HECW1: variants seen among roughly 807,000 people sequenced by gnomAD.
HECW1 encodes E3 ubiquitin-protein ligase HECW1.
In HECW1, 61 loss-of-function variants were observed where a neutral mutation model predicts 182.3. The ratio of observed to expected loss-of-function variants is 0.33; its 90% CI spans 0.27 to 0.41. The LOEUF (loss-of-function observed/expected upper bound fraction) is 0.41, where lower values mean the gene tolerates loss of function less well. Among genes scored for constraint, HECW1 ranks in the 10% least tolerant of loss-of-function variants. The pLI is 1.00. For missense variants in HECW1, 1,739 were observed against 2,108.9 expected, an observed-to-expected ratio of 0.82 and a Z score of 3.44; for synonymous variants, 859 against 832.6, an observed-to-expected ratio of 1.03 and a Z score of -0.55.
At chr7:43,308,332 A>ATATATATTATATGATATATT (rs1562814040) in intron 3 of HECW1, among the ~76,000 whole-genome samples, 1 of 129,276 alleles carries the variant, frequency 7.7e-6, no homozygotes, top group African/African-American at 3.1e-5. Flanking sequence ...TGATATATTT[A>ATATATATTATATGATATATT]TATATATTAT....
chr7:43,526,005 A>G (rs920359099), intron 24 of HECW1, among the ~76,000 whole-genome samples: 6 of 152,256 alleles, frequency 3.9e-5, no homozygotes, highest in African/African-American at 4.8e-5. Flanking sequence ...TATCATCAGT[A>G]GGTAAATCTT....
At chr7:43,214,075 A>G (rs1796239993) in intron 2 of HECW1, among the ~76,000 whole-genome samples, 1 of 151,838 alleles carries the variant, frequency 6.6e-6, no homozygotes, top group Admixed American at 6.6e-5. Context: ...TATTACTGGT[A>G]TTGTTTACTT....
intron 5 of HECW1, among the ~76,000 whole-genome samples, chr7:43,323,634 A>G (rs1453758475): frequency 2.6e-5 from 4 of 152,180 alleles, no homozygotes; most frequent in Non-Finnish European, 5.9e-5. Context: ...AACGACAAAA[A>G]TACATTATAA....
chr7:43,476,438 A>C (rs1470670327), intron 16 of HECW1, among the ~76,000 whole-genome samples: 3 of 152,198 alleles, frequency 2.0e-5, no homozygotes, highest in African/African-American at 7.2e-5. Context: ...TCTCTCCGAA[A>C]TCATTTGCAG....
At chr7:43,425,304 T>TGATTGATA (rs2076325262) in intron 8 of HECW1, among the ~76,000 whole-genome samples, 1 of 148,246 alleles carries the variant, frequency 6.7e-6, no homozygotes, top group East Asian at 2.0e-4. Context: ...GATAGATAGA[T>TGATTGATA]GATAGATAGA....
intron 19 of HECW1, among the ~76,000 whole-genome samples, chr7:43,495,429 T>C (rs2079083658): frequency 6.6e-6 from 1 of 152,198 alleles, no homozygotes; most frequent in Non-Finnish European, 1.5e-5. Flanking sequence ...TTTGTCTTGC[T>C]TTGATAGTAT....
intron 24 of HECW1, among the ~76,000 whole-genome samples, chr7:43,513,462 T>C (rs536633161): frequency 6.6e-6 from 1 of 152,122 alleles, no homozygotes; most frequent in Non-Finnish European, 1.5e-5. Flanking sequence ...CCTTTGAGAG[T>C]GGGTACTTGA....
chr7:43,203,407 G>A (rs752655647), intron 2 of HECW1, among the ~76,000 whole-genome samples: 3 of 151,982 alleles, frequency 2.0e-5, no homozygotes, highest in Non-Finnish European at 4.4e-5. Flanking sequence ...TTCCTGGAGT[G>A]AGATTACTGA....
chr7:43,395,246 G>A (rs2075188388), intron 6 of HECW1, among the ~76,000 whole-genome samples: 2 of 152,122 alleles, frequency 1.3e-5, no homozygotes, highest in African/African-American at 4.8e-5. Context: ...ATCTGCTTTG[G>A]GAAAGGGCTT....
At chr7:43,395,468 G>A (rs1487293002) in intron 6 of HECW1, among the ~76,000 whole-genome samples, 1 of 152,188 alleles carries the variant, frequency 6.6e-6, no homozygotes, top group Non-Finnish European at 1.5e-5. Context: ...CAGGACCTAT[G>A]AGAGTTTTGA....
intron 5 of HECW1, among the ~76,000 whole-genome samples, chr7:43,337,231 G>A (rs143246206): frequency 4.6e-5 from 7 of 152,232 alleles, no homozygotes; most frequent in South Asian, 4.1e-4. Context: ...TTAAATAATA[G>A]CCATTCTGAC....
At chr7:43,143,066 G>A (rs567857171) in intron 2 of HECW1, among the ~76,000 whole-genome samples, 2 of 152,308 alleles carry the variant, frequency 1.3e-5, no homozygotes, top group African/African-American at 4.8e-5. Context: ...GCAGTGGCAT[G>A]ATCTTGGCTC....
chr7:43,451,018 C>A (rs536899896), intron 12 of HECW1, 89 bp downstream of exon 12: 2 of 884,344 alleles, frequency 2.3e-6, no homozygotes, highest in Admixed American at 1.8e-5. Flanking sequence ...CATCTAAAGT[C>A]TTTCCCGACT....
intron 8 of HECW1, 149 bp downstream of exon 8, chr7:43,407,880 C>T (rs778902683): frequency 1.5e-6 from 1 of 685,920 alleles, no homozygotes; most frequent in Non-Finnish European, 2.4e-6. Context: ...CCATGTTCTC[C>T]AGGGGTTGCA....
intron 19 of HECW1, among the ~76,000 whole-genome samples, chr7:43,493,680 G>A (rs1353319600): frequency 2.6e-5 from 4 of 152,178 alleles, no homozygotes; most frequent in Admixed American, 1.3e-4. Context: ...AAGGGATAGC[G>A]ATCTGAAATG....
intron 17 of HECW1, chr7:43,484,446 C>G (rs911909162): frequency 6.6e-6 from 1 of 152,142 alleles, no homozygotes; most frequent in African/African-American, 2.4e-5. Context: ...TTTTCTGTGT[C>G]CCGTATCACA....
At position 43,444,722 on chromosome 7, in the gene HECW1, A is replaced by C. The variant is rs561111194; in HGVS notation, c.1550A>C (p.Gln517Pro). Residue 517 changes from glutamine to proline, a missense_variant, in exon 11 of 30, where the codon CAG (glutamine) becomes CCG (proline). Transcript: ENST00000395891. The surrounding 1 kb of genome is among the most constrained non-coding windows in gnomAD (Gnocchi z 4.3). ...EEEGDVSTLE[Q>P]GEGRLQLRAS... ...GAGGGAGATGTGTCTACCCTGGAGC[A>C]GGGAGAGGGCAGGCTGCAGCTGCGG... The C allele has an allele frequency of 8.7e-6, 14 of 1,612,584 alleles. No homozygotes were observed. In the African/African-American group the frequency reaches 1.9e-4, roughly 22 times the overall value.
intron 5 of HECW1, among the ~76,000 whole-genome samples, chr7:43,336,930 T>C (rs1812363853): frequency 6.6e-6 from 1 of 152,230 alleles, no homozygotes; most frequent in South Asian, 2.1e-4. Context: ...TACATTTTCT[T>C]TATCCAATCA....
At chr7:43,147,107 G>A (rs6463167) in intron 2 of HECW1, among the ~76,000 whole-genome samples, 69,115 of 152,068 alleles carry the variant, frequency 0.45, 15,849 homozygotes, top group African/African-American at 0.48. Context: ...AAAGTTGTCT[G>A]TTATCCAAGG....
Sources: gnomAD v4.1 joint callset for allele counts (sites outside exome capture counted in the v4.1 genomes callset) on GRCh38, gnomAD v4.1.1 for gene constraint, Gnocchi (gnomAD v3.1) non-coding constraint, MANE v1.5 for transcripts, NCBI Gene and HGNC (gene_info 2026-07-23, HGNC 2026-07-21) for gene names.